PCDHA8: variants seen among roughly 807,000 people sequenced by gnomAD.
The protein encoded by PCDHA8 is protocadherin alpha-8.
A neutral mutation model predicts 61.8 loss-of-function variants in PCDHA8; 53 were observed. The ratio of observed to expected loss-of-function variants is 0.86; its 90% confidence interval spans 0.69 to 1.08. The LOEUF (loss-of-function observed/expected upper bound fraction) is 1.08. Ranked by LOEUF, PCDHA8 falls within the 50% of genes least tolerant of loss-of-function variation. The pLI, the probability that PCDHA8 is intolerant of heterozygous loss-of-function variation, is 0.00. For missense variants in PCDHA8, 1,293 were observed against 1,245.0 expected, an observed-to-expected ratio of 1.04 and a Z score of -0.58; for synonymous variants, 618 against 556.6, an observed-to-expected ratio of 1.11 and a Z score of -1.55.
chr5:140,984,599 C>T (rs1415361733), intron 3 of PCDHA8, among the ~76,000 whole-genome samples: 1 of 152,162 alleles, frequency 6.6e-6, no homozygotes, highest in Non-Finnish European at 1.5e-5. Context: ...TCAATACATA[C>T]CTCTGCATCA....
intron 1 of PCDHA8, chr5:140,854,181 AGTT>A: frequency 2.3e-6 from 1 of 434,280 alleles, no homozygotes; most frequent in Non-Finnish European, 3.0e-6. Context: ...AAAAAAGAGT[AGTT>A]TAACTACTCC....
Position 140,966,227 on chromosome 5 carries a change from A to T in PCDHA8, c.2395-12722A>T, listed in dbSNP as rs556655692. The T allele has an allele frequency of 3.7e-5, 10 of 270,804 alleles. No individual in the cohort carries two copies. The South Asian group carries it at 1.7e-3, about 46-fold the overall frequency. 16.8% of individuals were successfully genotyped at this position (270,804 alleles called of 1,614,324 possible). On this transcript the variant is annotated intron_variant, in intron 1 of 3. Coordinates refer to ENST00000531613, the MANE Select transcript of PCDHA8 (RefSeq NM_018911.3). ...CTGCTTTTCCCAGACTAATCTCCTT[A>T]AAGACCCGTTAAGCAGGGGAGAGAC...
At chr5:140,882,648 A>C in intron 1 of PCDHA8, 1 of 1,614,216 alleles carries the variant, frequency 6.2e-7, no homozygotes, top group Non-Finnish European at 8.5e-7. Context: ...AGGGACATTA[A>C]CGACAACCCG....
intron 1 of PCDHA8, chr5:140,856,129 C>T: frequency 6.3e-7 from 1 of 1,598,096 alleles, no homozygotes; most frequent in Non-Finnish European, 8.6e-7. Flanking sequence ...AGGTGGGGAG[C>T]GGCCAGCTCC....
Position 140,841,573 on chromosome 5 carries a change from G to C in PCDHA8, c.252G>C (p.Leu84Phe). ...AGGTAAGTCTGCAGAATGGCATTTT[G>C]TTTGTGAATTCTCGGATCGACCGCG... ...LLEVSLQNGI[L>F]FVNSRIDREE... Residue 84 changes from leucine to phenylalanine, a missense_variant, in exon 1 of 4, where the codon TTG (leucine) becomes TTC (phenylalanine). Physicochemically the swap from Leu to Phe is conservative, Grantham distance 22. Coordinates refer to ENST00000531613, the MANE Select transcript of PCDHA8 (RefSeq NM_018911.3). 6.2e-7 allele frequency: 1 copy of C among 1,614,016 alleles called. No individual in the cohort carries two copies.
In PCDHA8 at chr5:140,850,223, AGT is replaced by A. The variant is rs2041441871; in HGVS notation, c.2394+6510_2394+6511del. The A allele has an allele frequency of 1.0e-5, 16 of 1,593,640 alleles. 2 individuals carry two copies. Among genetic ancestry groups the A allele is most frequent in the Non-Finnish European group, 1.2e-5 (14 of 1,167,580 alleles). ...CTCGGATGAGGGGCACTGACGGCGC[AGT>A]GAGCGAGATGGTGCTGCGGTCGGTG... On this transcript the variant is annotated intron_variant, in intron 1 of 3. Transcript: ENST00000531613.
rs1434426263 is a variant in PCDHA8, at chr5:140,852,473, T to A, written c.2394+8758T>A. On this transcript the variant is annotated intron_variant, in intron 1 of 3. Coordinates refer to ENST00000531613, the MANE Select transcript of PCDHA8 (RefSeq NM_018911.3). ...TTGTATTTTTAGTAGAGATGGGGTT[T>A]CATCATGTTGGCCAGGTTGGTCTCG... 6 of 195,480 alleles carry A rather than the reference T, an allele frequency of 3.1e-5. 1 individual carries two copies. The highest frequency in any genetic ancestry group is 6.2e-5 in the Non-Finnish European group (6 of 97,540). 12.1% of individuals were successfully genotyped at this position (195,480 alleles called of 1,614,324 possible). A position where few individuals can be genotyped will look rare whatever the true frequency, so the allele number is the denominator to read the frequency against.
chr5:140,883,226 G>A, intron 1 of PCDHA8: 2 of 1,613,938 alleles, frequency 1.2e-6, no homozygotes, highest in South Asian at 1.1e-5. Flanking sequence ...TGAAATATCC[G>A]TGGAGGCAGT....
intron 1 of PCDHA8, chr5:140,869,867 C>T (rs1554163562): frequency 6.2e-7 from 1 of 1,609,988 alleles, no homozygotes; most frequent in East Asian, 2.2e-5. Flanking sequence ...ATGGAAAATG[C>T]TGCTAAAGAA....
chr5:140,851,789 C>G, intron 1 of PCDHA8: 1 of 955,732 alleles, frequency 1.0e-6, no homozygotes, highest in Non-Finnish European at 1.3e-6. Context: ...TGAGAATTCA[C>G]TTGTTCTGTC....
At position 140,845,457 on chromosome 5, in the gene PCDHA8, T is replaced by C. The variant is rs1172652136; in HGVS notation, c.2394+1742T>C. 2.0e-5 allele frequency among the ~76,000 whole-genome samples: 3 copies of C among 149,680 alleles called. 1 individual carries two copies. The highest frequency in any genetic ancestry group is 4.5e-5 in the Non-Finnish European group (3 of 66,882). ...TTAGTTCTGTTTTTCTTCAACTCTC[T>C]GATATTTGAATTTGGGGTTGTGCTT... On this transcript the variant is annotated intron_variant, in intron 1 of 3. Coordinates refer to ENST00000531613, the MANE Select transcript of PCDHA8 (RefSeq NM_018911.3).
intron 3 of PCDHA8, among the ~76,000 whole-genome samples, chr5:140,986,019 G>T (rs562523452): frequency 1.3e-5 from 2 of 152,036 alleles, no homozygotes; most frequent in African/African-American, 2.4e-5. Flanking sequence ...GATTACAGGC[G>T]TGAGCCACTG....
chr5:141,010,152 T>C lies in PCDHA8; in HGVS notation c.*215T>C. The C allele has an allele frequency of 1.3e-6, 2 of 1,575,858 alleles. No individual in the cohort carries two copies. The highest frequency in any genetic ancestry group is 1.7e-6 in the Non-Finnish European group (2 of 1,159,570). On this transcript the variant is annotated 3_prime_UTR_variant, in exon 4 of 4. Coordinates refer to ENST00000531613, the MANE Select transcript of PCDHA8 (RefSeq NM_018911.3). ...TGGTGTTAACTCTTTCTCTCCACTCTGGCTTGTTTTCAGAACCTAAAAAGC... is the reference window on the plus strand; with the variant it reads ...TGGTGTTAACTCTTTCTCTCCACTCCGGCTTGTTTTCAGAACCTAAAAAGC...
In PCDHA8 at chr5:140,841,310, C is replaced by A. The variant is rs2150313272; in HGVS notation, c.-12C>A. On this transcript the variant is annotated 5_prime_UTR_variant, in exon 1 of 4. Coordinates refer to ENST00000531613, the MANE Select transcript of PCDHA8 (RefSeq NM_018911.3). ...TAAGATAATATTTTCTGATAGGAAACGACTATTTAACATGGATTATCACTG... is the reference window on the plus strand; with the variant it reads ...TAAGATAATATTTTCTGATAGGAAAAGACTATTTAACATGGATTATCACTG... The A allele has an allele frequency of 9.0e-6, 14 of 1,550,808 alleles. No individual in the cohort carries two copies. The highest frequency in any genetic ancestry group is 1.2e-5 in the Non-Finnish European group (14 of 1,145,292).
chr5:141,004,682 T>G (rs1002761253), intron 3 of PCDHA8, among the ~76,000 whole-genome samples: 2 of 152,184 alleles, frequency 1.3e-5, no homozygotes, highest in South Asian at 4.1e-4. Flanking sequence ...TGTGGAGTGG[T>G]GCTGAAACCC....
intron 3 of PCDHA8, among the ~76,000 whole-genome samples, chr5:140,998,480 G>A (rs782244125): frequency 6.6e-6 from 1 of 151,974 alleles, no homozygotes; most frequent in Non-Finnish European, 1.5e-5. Context: ...CCACTGTGCT[G>A]TAACTCTTTG....
At chr5:140,996,431 T>C (rs1294673547) in intron 3 of PCDHA8, among the ~76,000 whole-genome samples, 1 of 152,182 alleles carries the variant, frequency 6.6e-6, no homozygotes, top group African/African-American at 2.4e-5. Flanking sequence ...ACTTTGGGAA[T>C]AGTCAGTGTC....
chr5:140,841,654 C>T lies in PCDHA8; in HGVS notation c.333C>T (p.Asp111=), dbSNP rs1270188852. ...GCATCCACCTGGAGGTGATCGTGGA[C>T]AGGCCGCTGCAGGTTTTCCATGTGG... ...ECSIHLEVIV[D]RPLQVFHVDV... is the part of the protein sequence containing the mutation. Residue 111 remains aspartate, a synonymous_variant, in exon 1 of 4, where the codon GAC becomes GAT. Transcript: ENST00000531613. 3 of 1,613,998 alleles carry T rather than the reference C, an allele frequency of 1.9e-6. No homozygotes were observed. In the African/African-American group the frequency reaches 4.0e-5, roughly 22 times the overall value.
chr5:140,843,068 C>G lies in PCDHA8; in HGVS notation c.1747C>G (p.Arg583Gly). The G allele has an allele frequency of 6.3e-7, 1 of 1,595,216 alleles. No individual in the cohort carries two copies. Among genetic ancestry groups the G allele is most frequent in the East Asian group, 2.2e-5 (1 of 44,804 alleles). The part of the protein sequence containing the change: ...TGGAASKLVP[R>G]SVGAGHVVAK... ...TGGCGCAGCGAGCAAGCTGGTGCCG[C>G]GGTCTGTGGGCGCGGGCCACGTGGT... Residue 583 changes from arginine to glycine, a missense_variant, in exon 1 of 4, where the codon CGG (arginine) becomes GGG (glycine). Coordinates refer to ENST00000531613, the MANE Select transcript of PCDHA8 (RefSeq NM_018911.3).
Sources: allele counts gnomAD v4.1 joint callset (sites outside exome capture counted in the v4.1 genomes callset), GRCh38; gene constraint gnomAD v4.1.1; transcripts MANE v1.5; gene names NCBI Gene and HGNC (gene_info 2026-07-23, HGNC 2026-07-21).